Variants in RNF121 observed in about 807,000 individuals in gnomAD.
The protein encoded by RNF121 is E3 ubiquitin ligase RNF121.
RNF121 carries 21 observed loss-of-function variants against 46.5 expected under a neutral mutation model. The ratio of observed to expected loss-of-function variants is 0.45; its 90% CI spans 0.32 to 0.65. The LOEUF is 0.65. Ranked by LOEUF, RNF121 falls within the 30% of genes least tolerant of loss-of-function variation. The probability of loss-of-function intolerance (pLI) is 0.04; values close to 1 mark genes in which losing one functional copy is unlikely to be tolerated. For synonymous variants in RNF121, 139 were observed against 144.7 expected, an observed-to-expected ratio of 0.96 and a Z score of 0.28; for missense variants, 346 against 416.0, an observed-to-expected ratio of 0.83 and a Z score of 1.46.
intron 4 of RNF121, among the ~76,000 whole-genome samples, chr11:71,984,693 C>G (rs148573740): frequency 1.3e-5 from 2 of 151,112 alleles, no homozygotes; most frequent in East Asian, 1.9e-4. Flanking sequence ...ATTCTCCTGG[C>G]TTAGCCTCCC....
intron 4 of RNF121, among the ~76,000 whole-genome samples, chr11:71,984,833 C>T (rs145657041): frequency 2.7e-3 from 395 of 147,938 alleles, no homozygotes; most frequent in African/African-American, 9.3e-3. Context: ...GTGATCTGCC[C>T]GCCTCGGGCT....
chr11:71,995,226 T>A, intron 7 of RNF121: 1 of 589,312 alleles, frequency 1.7e-6, no homozygotes, highest in South Asian at 2.1e-5. Context: ...TCTCTGCCTA[T>A]GTTGGGAAAG....
chr11:71,988,056 G>T (rs1466359639), intron 5 of RNF121, among the ~76,000 whole-genome samples: 4 of 152,212 alleles, frequency 2.6e-5, no homozygotes, highest in Non-Finnish European at 5.9e-5. Flanking sequence ...TTAACCTGTG[G>T]ATGTTAAGTC....
intron 1 of RNF121, among the ~76,000 whole-genome samples, chr11:71,942,122 A>G (rs1035948470): frequency 3.1e-4 from 47 of 151,654 alleles, no homozygotes; most frequent in Non-Finnish European, 6.2e-4. Flanking sequence ...TTTATTAGAG[A>G]CGGGGTTTCA....
At chr11:71,933,398 A>G (rs760676417) in intron 1 of RNF121, among the ~76,000 whole-genome samples, 1 of 152,190 alleles carries the variant, frequency 6.6e-6, no homozygotes, top group Non-Finnish European at 1.5e-5. Context: ...TATTAATATT[A>G]TTGCCTCAAG....
chr11:71,943,975 T>A (rs929467617), intron 1 of RNF121, among the ~76,000 whole-genome samples: 1 of 152,150 alleles, frequency 6.6e-6, no homozygotes, highest in Non-Finnish European at 1.5e-5. Context: ...TAAGGCCTTA[T>A]ATGCTGTGCT....
chr11:71,939,274 T>C (rs1953503877), intron 1 of RNF121: 1 of 190,062 alleles, frequency 5.3e-6, no homozygotes. Context: ...GTCTTTTTGG[T>C]CCACTAACCC....
intron 1 of RNF121, among the ~76,000 whole-genome samples, chr11:71,930,121 A>G (rs899956781): frequency 5.9e-5 from 9 of 152,234 alleles, no homozygotes; most frequent in Admixed American, 5.2e-4. Flanking sequence ...GACAGGGCAG[A>G]GAAGCAGAGA....
intron 1 of RNF121, among the ~76,000 whole-genome samples, chr11:71,932,270 A>C (rs987577419): frequency 6.6e-6 from 1 of 152,230 alleles, no homozygotes; most frequent in African/African-American, 2.4e-5. Context: ...TTTATTATTA[A>C]CAGTAGGCAT....
chr11:71,995,425 A>G (rs748252591), intron 7 of RNF121, 25 bp from the exon 8 acceptor site: 20 of 1,557,138 alleles, frequency 1.3e-5, no homozygotes, highest in Non-Finnish European at 1.6e-5. Flanking sequence ...GGCTCTCACC[A>G]TTTCCCTTGA....
chr11:71,965,628 G>A lies in RNF121; in HGVS notation c.243+4737G>A, dbSNP rs73529872. Among the ~76,000 whole-genome samples the A allele has an allele frequency of 9.5e-3, 1,443 of 152,262 alleles. 13 individuals are homozygous for A. The highest frequency in any genetic ancestry group is 0.033 in the African/African-American group (1,378 of 41,538). ...ACTTGTTAATTAACAGTTTATCACA[G>A]TTGCAAGCAACAATTTAGTAAGCTT... On this transcript the variant is annotated intron_variant, in intron 3 of 8. Coordinates refer to ENST00000361756, the MANE Select transcript of RNF121 (RefSeq NM_018320.5).
In RNF121 at chr11:71,929,704, C is replaced by T. The variant is rs77811421; in HGVS notation, c.63+580C>T. On this transcript the variant is annotated intron_variant, in intron 1 of 8. Coordinates refer to ENST00000361756, the MANE Select transcript of RNF121 (RefSeq NM_018320.5). ...AGTGGATGAATAAATGATTGTATGC[C>T]GGAATTCATGCATTTATTCACTTAA... Among the ~76,000 whole-genome samples the T allele has an allele frequency of 2.6e-5, 4 of 152,108 alleles. No homozygotes were observed. The South Asian group carries it at 8.3e-4, about 32-fold the overall frequency.
chr11:71,990,750 T>C, intron 6 of RNF121, 33 bp downstream of exon 6: 1 of 1,611,240 alleles, frequency 6.2e-7, no homozygotes, highest in South Asian at 1.1e-5. Flanking sequence ...ATACTGCTTC[T>C]TGACACCTCC....
At chr11:71,936,595 C>T (rs1312667858) in intron 1 of RNF121, among the ~76,000 whole-genome samples, 2 of 152,180 alleles carry the variant, frequency 1.3e-5, no homozygotes, top group East Asian at 1.9e-4. Flanking sequence ...GGGGTTTCAC[C>T]GTGTTAGCCA....
At chr11:71,932,476 G>T (rs1265977413) in intron 1 of RNF121, among the ~76,000 whole-genome samples, 1 of 152,194 alleles carries the variant, frequency 6.6e-6, no homozygotes, top group Admixed American at 6.5e-5. Context: ...TGTGCTCTAG[G>T]GGGTGGGAAC....
At chr11:71,986,957 G>T (rs757179442) in intron 4 of RNF121, 47 bp from the exon 5 acceptor site, 3 of 1,098,074 alleles carry the variant, frequency 2.7e-6, no homozygotes, top group Non-Finnish European at 2.8e-6. Flanking sequence ...GACCATTAAG[G>T]CCAGAATCTC....
intron 1 of RNF121, among the ~76,000 whole-genome samples, chr11:71,948,466 G>A (rs1353090348): frequency 8.0e-6 from 1 of 124,642 alleles, no homozygotes; most frequent in Non-Finnish European, 1.6e-5. Context: ...AGTGACCTGA[G>A]ATTGCGCCAC....
At chr11:71,950,137 C>G (rs1953837152) in intron 1 of RNF121, among the ~76,000 whole-genome samples, 1 of 152,142 alleles carries the variant, frequency 6.6e-6, no homozygotes, top group Non-Finnish European at 1.5e-5. Flanking sequence ...GCTGAATTGT[C>G]TGAAATGCTA....
chr11:71,976,393 T>C (rs2134197618), intron 3 of RNF121, among the ~76,000 whole-genome samples: 1 of 132,034 alleles, frequency 7.6e-6, no homozygotes, highest in East Asian at 2.5e-4. Flanking sequence ...TCTCGCTGTG[T>C]CGCCCGGGCT....
Sources: allele counts gnomAD v4.1 joint callset (sites outside exome capture counted in the v4.1 genomes callset), GRCh38; gene constraint gnomAD v4.1.1; transcripts MANE v1.5; gene names NCBI Gene and HGNC (gene_info 2026-07-23, HGNC 2026-07-21).